Variants in PLAAT1 observed in about 807,000 individuals in gnomAD.
The protein encoded by PLAAT1 is H-REV107 protein-related protein.
Under a neutral mutation model 16.4 loss-of-function variants are expected in PLAAT1, and 13 were observed. That is an observed-to-expected ratio of 0.79 (90% CI 0.52 to 1.26). The LOEUF is 1.26. PLAAT1 is among the 50% of genes most tolerant of loss of function. The pLI, the probability that PLAAT1 is intolerant of heterozygous loss-of-function variation, is 0.00. For synonymous variants in PLAAT1, 73 were observed against 78.4 expected (o/e 0.93, Z 0.36); for missense variants, 218 against 207.8 (o/e 1.05, Z -0.30).
At chr3:193,270,069 A>AATACACACACAC (rs34199975) in intron 3 of PLAAT1, among the ~76,000 whole-genome samples, 2,430 of 147,954 alleles carry the variant, frequency 0.016, 40 homozygotes, top group East Asian at 0.042. Context: ...ACATCCCTGA[A>AATACACACACAC]ACACACACAC....
chr3:193,257,252 T>C (rs1716412748), intron 2 of PLAAT1, among the ~76,000 whole-genome samples: 1 of 152,136 alleles, frequency 6.6e-6, no homozygotes, highest in Admixed American at 6.5e-5. Context: ...CGCTGGACTA[T>C]CACTGTGCCC....
At chr3:193,243,422 G>A (rs1261512675) in intron 1 of PLAAT1, among the ~76,000 whole-genome samples, 2 of 152,116 alleles carry the variant, frequency 1.3e-5, no homozygotes, top group Non-Finnish European at 2.9e-5. Context: ...CGGAAACTCC[G>A]CAACTGGAAA....
intron 1 of PLAAT1, among the ~76,000 whole-genome samples, chr3:193,247,487 C>G (rs375847057): frequency 2.0e-5 from 3 of 152,304 alleles, no homozygotes; most frequent in East Asian, 3.9e-4. Context: ...CAGGACCCCT[C>G]TCTTTGCTGA....
At chr3:193,272,901 G>T (rs1374653770), downstream of PLAAT1, among the ~76,000 whole-genome samples, 1 of 152,116 alleles carries the variant, frequency 6.6e-6, no homozygotes, top group Non-Finnish European at 1.5e-5. Flanking sequence ...TTTTCCTATA[G>T]GTGATTATTT....
chr3:193,265,656 T>A (rs1195256304), intron 3 of PLAAT1, among the ~76,000 whole-genome samples: 3 of 151,270 alleles, frequency 2.0e-5, no homozygotes, highest in East Asian at 2.1e-4. Flanking sequence ...AATTTTTTTT[T>A]AAATAAAAAG....
chr3:193,243,774 A>C (rs1715869716), intron 1 of PLAAT1, among the ~76,000 whole-genome samples: 1 of 152,180 alleles, frequency 6.6e-6, no homozygotes, highest in Non-Finnish European at 1.5e-5. Flanking sequence ...AATGGTCACC[A>C]CAATAATCAG....
downstream of PLAAT1, among the ~76,000 whole-genome samples, chr3:193,271,681 C>A (rs896149227): frequency 3.3e-5 from 5 of 152,056 alleles, no homozygotes; most frequent in Non-Finnish European, 7.4e-5. Flanking sequence ...CAATGACATC[C>A]GTCTTATGCT....
chr3:193,252,386 T>C (rs940633007), intron 1 of PLAAT1, among the ~76,000 whole-genome samples: 1 of 152,212 alleles, frequency 6.6e-6, no homozygotes, highest in Non-Finnish European at 1.5e-5. Flanking sequence ...CCATATAACC[T>C]ACATTCTAAT....
Position 193,254,581 on chromosome 3 carries a change from C to G in PLAAT1, c.1-1070C>G, listed in dbSNP as rs1716307208. 4.6e-5 allele frequency among the ~76,000 whole-genome samples: 7 copies of G among 152,108 alleles called. No individual in the cohort carries two copies. The South Asian group carries it at 1.5e-3, about 32-fold the overall frequency. ...AGAAAATATAACCTTTCATAAGAAT[C>G]AACTGTCAGATACTTATGTATTCTT... On this transcript the variant is annotated intron_variant, in intron 1 of 3. Coordinates refer to ENST00000264735, the MANE Select transcript of PLAAT1 (RefSeq NM_020386.5).
rs1312725501 is a variant in PLAAT1, at chr3:193,255,688, G to C, written c.38G>C (p.Gly13Ala). The change falls in exon 2 of 4, where the codon GGC becomes GCC. Residue 13 changes from glycine (G) to alanine (A), a missense_variant. Physicochemically the swap from Gly to Ala is moderately conservative, Grantham distance 60 (BLOSUM62 0). Coordinates refer to ENST00000264735, the MANE Select transcript of PLAAT1 (RefSeq NM_020386.5). ...FNDCFSLNYP[G>A]NPCPGDLIEV... Reference sequence around the variant, plus strand: ...GATTGCTTCAGTTTGAACTACCCTGGCAACCCCTGCCCAGGGGACTTGATC... The same window carrying C: ...GATTGCTTCAGTTTGAACTACCCTGCCAACCCCTGCCCAGGGGACTTGATC... The C allele has an allele frequency of 6.2e-7, 1 of 1,612,508 alleles. No individual in the cohort carries two copies. The highest frequency in any genetic ancestry group is 8.5e-7 in the Non-Finnish European group (1 of 1,179,018).
At chr3:193,257,123 T>C (rs1716404907) in intron 2 of PLAAT1, among the ~76,000 whole-genome samples, 1 of 152,174 alleles carries the variant, frequency 6.6e-6, no homozygotes, top group African/African-American at 2.4e-5. Context: ...TAAGCAGCTT[T>C]AGGTTCTGAC....
In PLAAT1 at chr3:193,246,800, C is replaced by T. The variant is rs549789659; in HGVS notation, c.-1+5267C>T. Among the ~76,000 whole-genome samples, 71 of 152,306 alleles carry T rather than the reference C, an allele frequency of 4.7e-4. 2 individuals are homozygous for T. The highest frequency in any genetic ancestry group is 1.7e-3 in the African/African-American group (69 of 41,550). On this transcript the variant is annotated intron_variant, in intron 1 of 3. Coordinates refer to ENST00000264735, the MANE Select transcript of PLAAT1 (RefSeq NM_020386.5). ...TGTTAAAGATCTTTGCATTTGTGTT[C>T]ATCAGGGATATTGGCCTGTAGTTTT...
chr3:193,255,036 C>G (rs543090196), intron 1 of PLAAT1, among the ~76,000 whole-genome samples: 4 of 152,152 alleles, frequency 2.6e-5, no homozygotes, highest in Non-Finnish European at 5.9e-5. Flanking sequence ...TTTTAGTACT[C>G]ACAAAATATT....
At chr3:193,272,672 T>C (rs1717023238), downstream of PLAAT1, among the ~76,000 whole-genome samples, 1 of 152,182 alleles carries the variant, frequency 6.6e-6, no homozygotes, top group Admixed American at 6.5e-5. Context: ...GTGCAGCCTT[T>C]CTGGAGAATT....
chr3:193,281,114 T>G (rs1377804055), downstream of PLAAT1: 1 of 875,588 alleles, frequency 1.1e-6, no homozygotes, highest in African/African-American at 1.8e-5. Context: ...GAATTGCATC[T>G]CTCAGGATAA....
intron 1 of PLAAT1, among the ~76,000 whole-genome samples, chr3:193,250,835 TC>T (rs369497118): frequency 7.8e-5 from 11 of 140,776 alleles, no homozygotes; most frequent in African/African-American, 2.3e-4. Flanking sequence ...CCCTGCCCTA[TC>T]CCCCCCACCC....
intron 2 of PLAAT1, chr3:193,276,696 A>C: frequency 7.6e-7 from 1 of 1,319,472 alleles, no homozygotes; most frequent in Non-Finnish European, 1.1e-6. Context: ...ACCTGCTGAA[A>C]ATGAGATCCT....
At position 193,263,252 on chromosome 3, in the gene PLAAT1, A is replaced by G. The variant is rs1284816487; in HGVS notation, c.405+17A>G. 1 of 1,608,754 alleles carries G rather than the reference A, an allele frequency of 6.2e-7. No homozygotes were observed. Among genetic ancestry groups the G allele is most frequent in the Non-Finnish European group, 8.5e-7 (1 of 1,176,502 alleles). On this transcript the variant is annotated intron_variant, in intron 3 of 3. Transcript: ENST00000264735. Reference sequence around the variant, plus strand: ...TCAGAGCAGGTAAGTTTTCTTTAGGAGATATTCTTACATTGAGAAAAGAAT... The same window carrying G: ...TCAGAGCAGGTAAGTTTTCTTTAGGGGATATTCTTACATTGAGAAAAGAAT...
upstream of PLAAT1, among the ~76,000 whole-genome samples, chr3:193,240,686 G>GTGTGTGTGTGT (rs1715685085): frequency 2.1e-5 from 1 of 47,154 alleles, no homozygotes. Context: ...TGTGTGTGTG[G>GTGTGTGTGTGT]TTGGAGGTCT....
Sources: gnomAD v4.1 joint callset for allele counts (sites outside exome capture counted in the v4.1 genomes callset) on GRCh38, gnomAD v4.1.1 for gene constraint, MANE v1.5 for transcripts, NCBI Gene and HGNC (gene_info 2026-07-23, HGNC 2026-07-21) for gene names.